Variants in SPTBN2 observed in about 807,000 individuals in gnomAD.
SPTBN2 encodes spectrin beta chain, non-erythrocytic 2.
SPTBN2 carries 107 observed loss-of-function variants against 284.2 expected under a neutral mutation model. The observed-to-expected ratio is 0.38, with a 90% CI of 0.32 to 0.44. The LOEUF is 0.44. Ranked by LOEUF, SPTBN2 falls within the 20% of genes least tolerant of loss-of-function variation. The pLI, the probability that SPTBN2 is intolerant of heterozygous loss-of-function variation, is 1.00. For synonymous variants in SPTBN2, 1,289 were observed against 1,354.8 expected (o/e 0.95, Z 1.07); for missense variants, 2,569 against 3,287.1 (o/e 0.78, Z 5.34).
chr11:66,734,170 T>C (rs1346119712), upstream of SPTBN2, among the ~76,000 whole-genome samples: 1 of 152,110 alleles, frequency 6.6e-6, no homozygotes, highest in Non-Finnish European at 1.5e-5. Context: ...CCTTCTCTGT[T>C]TCTTTTGTGA....
At position 66,715,239 on chromosome 11, in the gene SPTBN2, T is replaced by C. The variant is rs753547565; in HGVS notation, c.466A>G (p.Ile156Val). The change falls in exon 5 of 38, where the codon ATC becomes GTC. Residue 156 changes from isoleucine to valine, a missense_variant. By Grantham distance (29) the Ile-to-Val change is conservative (BLOSUM62 3). Around this residue, in one of 6 missense-constraint regions of SPTBN2, gnomAD observed 304 missense variants for 522.1 expected, o/e 0.58. Coordinates refer to ENST00000533211, the MANE Select transcript of SPTBN2 (RefSeq NM_006946.4). The surrounding 1 kb of genome is among the most constrained non-coding windows in gnomAD (Gnocchi z 5.3). ...TGGGGTACCTGGAATCGAAGGATGA[T>C]GGTCCAGACCAGCCCAAGGGTCAGT... ...HRLTLGLVWT[I>V]ILRFQIQDIS... The C allele has an allele frequency of 6.2e-6, 10 of 1,614,102 alleles. No individual in the cohort carries two copies. Among genetic ancestry groups the C allele is most frequent in the East Asian group, 4.5e-5 (2 of 44,892 alleles).
In SPTBN2 at chr11:66,693,213, T is replaced by A. The variant is rs778828562; in HGVS notation, c.4827A>T (p.Leu1609Phe). 14 of 1,614,240 alleles carry A rather than the reference T, an allele frequency of 8.7e-6. No homozygotes were observed. Among genetic ancestry groups the A allele is most frequent in the Non-Finnish European group, 1.1e-5 (13 of 1,180,048 alleles). ...EAEAWMGEQE[L>F]HMMGQEKAKD... ...TGGCCTTCTCCTGGCCCATCATGTG[T>A]AATTCCTGCTCGCCCATCCAGGCCT... is the stretch of plus-strand genomic sequence containing the variant. The change falls in exon 24 of 38, where the codon TTA becomes TTT. Residue 1609 changes from leucine to phenylalanine, a missense_variant. By Grantham distance (22) the Leu-to-Phe change is conservative. This residue lies in a region of SPTBN2 where 1,130 missense variants were observed against 1,317.3 expected (regional missense o/e 0.86). Coordinates refer to ENST00000533211, the MANE Select transcript of SPTBN2 (RefSeq NM_006946.4). This position sits in a 1 kb window ranked among gnomAD's most constrained non-coding sequence, Gnocchi z 5.7.
rs373091212 is a variant in SPTBN2, at chr11:66,698,972, G to C, written c.3867+20C>G. The C allele has an allele frequency of 8.1e-6, 13 of 1,613,858 alleles. No individual in the cohort carries two copies. Among genetic ancestry groups the C allele is most frequent in the Non-Finnish European group, 1.0e-5 (12 of 1,179,824 alleles). On this transcript the variant is annotated intron_variant, in intron 19 of 37. Transcript: ENST00000533211. ...GAAAGGGATGGCTAGGGAATATCCC[G>C]GGGCCCCAGGGAGCCTCACCTCGTG...
chr11:66,716,415 GC>G (rs1942153340), intron 3 of SPTBN2, among the ~76,000 whole-genome samples: 1 of 151,894 alleles, frequency 6.6e-6, no homozygotes. Flanking sequence ...GGGAGGGGGA[GC>G]TTGCAGGGAG....
chr11:66,707,828 G>A lies in SPTBN2; in HGVS notation c.1351-10C>T. The A allele has an allele frequency of 1.2e-6, 2 of 1,607,326 alleles. No individual in the cohort carries two copies. Among genetic ancestry groups the A allele is most frequent in the South Asian group, 1.1e-5 (1 of 90,998 alleles). ...CCAGCCCAAAGTTGTCCTGTGTCGGGGGCAGGGAGAGGAGGTGTGGGGACC... is the reference window on the plus strand; with the variant it reads ...CCAGCCCAAAGTTGTCCTGTGTCGGAGGCAGGGAGAGGAGGTGTGGGGACC... On this transcript the variant is annotated splice_polypyrimidine_tract_variant and intron_variant, in intron 12 of 37. Coordinates refer to ENST00000533211, the MANE Select transcript of SPTBN2 (RefSeq NM_006946.4). This position sits in a 1 kb window ranked among gnomAD's most constrained non-coding sequence, Gnocchi z 4.9.
chr11:66,725,859 C>G (rs1942603316), intron 1 of SPTBN2, among the ~76,000 whole-genome samples: 1 of 152,156 alleles, frequency 6.6e-6, no homozygotes, highest in African/African-American at 2.4e-5. Context: ...AAATCCTATA[C>G]CCTGGGCTAC....
intron 1 of SPTBN2, among the ~76,000 whole-genome samples, chr11:66,740,226 T>C (rs1424463521): frequency 6.6e-6 from 1 of 152,126 alleles, no homozygotes; most frequent in Non-Finnish European, 1.5e-5. Flanking sequence ...AGTTAGTCAG[T>C]ATCATAGTCA....
At chr11:66,736,077 G>A (rs541372236) in intron 1 of SPTBN2, among the ~76,000 whole-genome samples, 77 of 152,250 alleles carry the variant, frequency 5.1e-4, no homozygotes, top group Non-Finnish European at 8.7e-4. Context: ...TCAAGTATTC[G>A]AAAGCAAAAG....
In SPTBN2 at chr11:66,700,565, C is replaced by A; in HGVS notation, c.3534G>T (p.Leu1178=). ...LAQAHGFQGF[L]RDARQAEGVL... is the part of the protein sequence containing the mutation. ...CGCCCTCAGCCTGACGAGCATCCCG[C>A]AGGAATCCCTGGAAGCCGTGGGCCT... Residue 1178 remains leucine, a synonymous_variant, in exon 17 of 38, where the codon CTG becomes CTT. Coordinates refer to ENST00000533211, the MANE Select transcript of SPTBN2 (RefSeq NM_006946.4). This position sits in a 1 kb window ranked among gnomAD's most constrained non-coding sequence, Gnocchi z 6.6. 1 of 1,607,042 alleles carries A rather than the reference C, an allele frequency of 6.2e-7. No individual in the cohort carries two copies. Among genetic ancestry groups the A allele is most frequent in the Non-Finnish European group, 8.5e-7 (1 of 1,180,004 alleles).
rs1317942874 is a variant in SPTBN2 at position 66,718,905 on chromosome 11, G to A, written c.157+2179C>T. On this transcript the variant is annotated intron_variant, in intron 3 of 37. Transcript: ENST00000533211. This position sits in a 1 kb window ranked among gnomAD's most constrained non-coding sequence, Gnocchi z 4.8. ...GAGAGGCGGAGTGTGGCCGGCGGGG[G>A]CAGGGCCAGGCCCTGCGGGGCGGCG... Among the ~76,000 whole-genome samples, 2 of 152,190 alleles carry A rather than the reference G, an allele frequency of 1.3e-5. No homozygotes were observed. The highest frequency in any genetic ancestry group is 2.9e-5 in the Non-Finnish European group (2 of 68,018).
chr11:66,714,192 A>G (rs1311749968), intron 6 of SPTBN2, 21 bp from the exon 7 acceptor site: 1 of 1,613,482 alleles, frequency 6.2e-7, no homozygotes. Flanking sequence ...AGATTCAGAA[A>G]ATGGTGAGTA....
intron 26 of SPTBN2, among the ~76,000 whole-genome samples, chr11:66,692,062 T>C (rs1456626802): frequency 6.6e-6 from 1 of 152,138 alleles, no homozygotes; most frequent in African/African-American, 2.4e-5. Context: ...TCATGTCCCC[T>C]TTCTGTACAA....
Position 66,687,635 on chromosome 11 carries a change from C to T in SPTBN2, c.6514G>A (p.Gly2172Arg), listed in dbSNP as rs746281043. The T allele has an allele frequency of 1.9e-6, 3 of 1,597,402 alleles. No individual in the cohort carries two copies. Among genetic ancestry groups the T allele is most frequent in the Non-Finnish European group, 2.6e-6 (3 of 1,171,918 alleles). ...CCCCGGGGCCCATTGGCTTCGTCCC[C>T]TGAGCCAGGTCCCTGGGGGGGAATC... Reference protein sequence around the residue: ...SFPEGPGPGSGDEANGPRGER... With the variant: ...SFPEGPGPGSRDEANGPRGER... Residue 2172 changes from glycine (G) to arginine (R), a missense_variant, in exon 35 of 38, where the codon GGG (glycine) becomes AGG (arginine). This residue lies in a region of SPTBN2 where 1,130 missense variants were observed against 1,317.3 expected (regional missense o/e 0.86). Transcript: ENST00000533211. The surrounding 1 kb of genome is among the most constrained non-coding windows in gnomAD (Gnocchi z 5.2).
Position 66,687,194 on chromosome 11 carries a change from C to A in SPTBN2, c.6723-27G>T, listed in dbSNP as rs752892012. 1 of 1,612,496 alleles carries A rather than the reference C, an allele frequency of 6.2e-7. No individual in the cohort carries two copies. The highest frequency in any genetic ancestry group is 1.1e-5 in the South Asian group (1 of 91,036). Reference sequence around the variant, plus strand: ...TGCGAGGGACGCGGTGCTGACTGGCCGGCCTCAGTGGCGCCCGCAACCTGG... The same window carrying A: ...TGCGAGGGACGCGGTGCTGACTGGCAGGCCTCAGTGGCGCCCGCAACCTGG... On this transcript the variant is annotated intron_variant, in intron 35 of 37. Coordinates refer to ENST00000533211, the MANE Select transcript of SPTBN2 (RefSeq NM_006946.4). This position sits in a 1 kb window ranked among gnomAD's most constrained non-coding sequence, Gnocchi z 5.2.
upstream of SPTBN2, among the ~76,000 whole-genome samples, chr11:66,730,224 A>G (rs1002775720): frequency 5.9e-5 from 9 of 152,260 alleles, no homozygotes; most frequent in African/African-American, 2.2e-4. Context: ...GGAAGGAGGC[A>G]CCAACCTGTG....
In SPTBN2 at chr11:66,708,322, G is replaced by C; in HGVS notation, c.1192-23C>G. 6.4e-7 allele frequency: 1 copy of C among 1,566,942 alleles called. No homozygotes were observed. The highest frequency in any genetic ancestry group is 1.2e-5 in the South Asian group (1 of 84,576). ...AGCCTATGGGGTGGGGACAGGGTTA[G>C]TGGAAGGGACAGGGTGGGGAGGGCT... On this transcript the variant is annotated intron_variant, in intron 11 of 37. Coordinates refer to ENST00000533211, the MANE Select transcript of SPTBN2 (RefSeq NM_006946.4). The surrounding 1 kb of genome is among the most constrained non-coding windows in gnomAD (Gnocchi z 4.4).
Position 66,694,197 on chromosome 11 carries a change from C to T in SPTBN2, c.4445G>A (p.Arg1482Gln), listed in dbSNP as rs769576700. The T allele has an allele frequency of 1.0e-4, 163 of 1,613,290 alleles. No individual in the cohort carries two copies. Among genetic ancestry groups the T allele is most frequent in the Admixed American group, 1.7e-4 (10 of 60,016 alleles). ...ALCQPMRERC[R>Q]RLQASREQHQ... Reference sequence around the variant, plus strand: ...CTGCTCGCGAGAAGCCTGCAGGCGCCGGCAGCGTTCCCGCATGGGCTGGCA... The same window carrying T: ...CTGCTCGCGAGAAGCCTGCAGGCGCTGGCAGCGTTCCCGCATGGGCTGGCA... Residue 1482 changes from arginine (R) to glutamine (Q), a missense_variant, in exon 22 of 38, where the codon CGG (arginine) becomes CAG (glutamine). Physicochemically the swap from Arg to Gln is conservative, Grantham distance 43 (BLOSUM62 1). Around this residue, in one of 6 missense-constraint regions of SPTBN2, gnomAD observed 1,130 missense variants for 1,317.3 expected, o/e 0.86. Coordinates refer to ENST00000533211, the MANE Select transcript of SPTBN2 (RefSeq NM_006946.4).
chr11:66,701,689 A>C lies in SPTBN2; in HGVS notation c.2711T>G (p.Leu904Arg). Residue 904 changes from leucine (L) to arginine (R), a missense_variant, in exon 16 of 38, where the codon CTT (leucine) becomes CGT (arginine). Leu to Arg is a moderately radical substitution (Grantham distance 102, BLOSUM62 -2). Around this residue, in one of 6 missense-constraint regions of SPTBN2, gnomAD observed 1,012 missense variants for 1,248.9 expected, o/e 0.81. Coordinates refer to ENST00000533211, the MANE Select transcript of SPTBN2 (RefSeq NM_006946.4). Reference protein sequence around the residue: ...FETLEPEMNTLAAQITAVNDI... With the variant: ...FETLEPEMNTRAAQITAVNDI... ...ATTCACCGCGGTGATTTGTGCTGCA[A>C]GGGTGTTCATTTCAGGCTCCAGGGT... 1.2e-6 allele frequency: 2 copies of C among 1,614,024 alleles called. No homozygotes were observed. Among genetic ancestry groups the C allele is most frequent in the Non-Finnish European group, 1.7e-6 (2 of 1,179,998 alleles).
Position 66,691,252 on chromosome 11 carries a change from G to T in SPTBN2, c.5565+32C>A. The T allele has an allele frequency of 6.6e-7, 1 of 1,510,882 alleles. No homozygotes were observed. Among genetic ancestry groups the T allele is most frequent in the Non-Finnish European group, 8.9e-7 (1 of 1,128,852 alleles). 93.6% of individuals were successfully genotyped at this position (1,510,882 alleles called of 1,614,324 possible). On this transcript the variant is annotated intron_variant, in intron 27 of 37. Transcript: ENST00000533211. This position sits in a 1 kb window ranked among gnomAD's most constrained non-coding sequence, Gnocchi z 8.0. ...GCATTTCCCCCATGGCCTCCTCTAA[G>T]CCTCCCCCACCTCCTCATGCTTGGG...
Sources: allele counts gnomAD v4.1 joint callset (sites outside exome capture counted in the v4.1 genomes callset), GRCh38; gene constraint gnomAD v4.1.1; regional missense constraint gnomAD v4.1.1; non-coding constraint Gnocchi (gnomAD v3.1); transcripts MANE v1.5; gene names NCBI Gene and HGNC (gene_info 2026-07-23, HGNC 2026-07-21).